VRK1: variants seen among roughly 807,000 people sequenced by gnomAD.
The protein encoded by VRK1 is VRK serine/threonine kinase 1.
A neutral mutation model predicts 57.1 loss-of-function variants in VRK1; 33 were observed. The observed-to-expected ratio is 0.58, with a 90% CI of 0.44 to 0.77. VRK1 has a LOEUF of 0.77. Among genes scored for constraint, VRK1 ranks in the 30% least tolerant of loss-of-function variants. The pLI is 0.00. For synonymous variants in VRK1, 137 were observed against 147.8 expected (o/e 0.93, Z 0.53); for missense variants, 413 against 477.3 (o/e 0.87, Z 1.25).
At chr14:96,851,099 G>A (rs1345226572) in intron 5 of VRK1, among the ~76,000 whole-genome samples, 1 of 151,922 alleles carries the variant, frequency 6.6e-6, no homozygotes. Context: ...ACAAGCCAAG[G>A]TGCTAGGAAA....
chr14:96,860,685 G>C lies in VRK1; in HGVS notation c.1018G>C (p.Asp340His), dbSNP rs1888351538. ...AGGAAGTAAGGATGATGGCAAATTG[G>C]ACCTCAGTGTTGTGGAGAATGGAGG... ...AIGSKDDGKL[D>H]LSVVENGGLK... Residue 340 changes from aspartate (D) to histidine (H), a missense_variant, in exon 11 of 13, where the codon GAC (aspartate) becomes CAC (histidine). Asp to His is a moderately conservative substitution (Grantham distance 81, BLOSUM62 -1). This residue lies in a region of VRK1 where 146 missense variants were observed against 138.2 expected (regional missense o/e 1.06). Transcript: ENST00000216639. 2 of 1,613,358 alleles carry C rather than the reference G, an allele frequency of 1.2e-6. No homozygotes were observed. The highest frequency in any genetic ancestry group is 1.7e-6 in the Non-Finnish European group (2 of 1,179,548).
intron 5 of VRK1, 67 bp downstream of exon 5, chr14:96,847,411 C>A: frequency 2.3e-6 from 3 of 1,330,280 alleles, no homozygotes; most frequent in South Asian, 1.2e-5. Flanking sequence ...TTGGTTTAGT[C>A]AGTAATTATT....
intron 5 of VRK1, among the ~76,000 whole-genome samples, chr14:96,848,744 C>G (rs1387512638): frequency 6.6e-6 from 1 of 152,104 alleles, no homozygotes; most frequent in African/African-American, 2.4e-5. Flanking sequence ...TGAATTTGGG[C>G]AATTTTTTGC....
At chr14:96,849,353 G>T (rs1031821524) in intron 5 of VRK1, among the ~76,000 whole-genome samples, 1 of 152,036 alleles carries the variant, frequency 6.6e-6, no homozygotes, top group African/African-American at 2.4e-5. Flanking sequence ...ACATTTCATA[G>T]AGATGATTGG....
At chr14:96,816,780 CAA>C (rs1389508436) in intron 1 of VRK1, among the ~76,000 whole-genome samples, 1 of 152,006 alleles carries the variant, frequency 6.6e-6, no homozygotes, top group Non-Finnish European at 1.5e-5. Flanking sequence ...AGAAGAAGGA[CAA>C]AAAAGAGAAC....
At chr14:96,871,771 C>T (rs1888831607) in intron 11 of VRK1, among the ~76,000 whole-genome samples, 1 of 152,164 alleles carries the variant, frequency 6.6e-6, no homozygotes, top group Non-Finnish European at 1.5e-5. Context: ...ATCACTGAAA[C>T]TCATTGAAAA....
chr14:96,867,153 G>A (rs1888617607), intron 11 of VRK1, among the ~76,000 whole-genome samples: 1 of 151,748 alleles, frequency 6.6e-6, no homozygotes, highest in South Asian at 2.1e-4. Context: ...TGTGTTTTTT[G>A]TTTGTTTGTT....
chr14:96,852,653 A>C (rs1050508091), intron 5 of VRK1, among the ~76,000 whole-genome samples, 178 bp from the exon 6 acceptor site: 1 of 152,120 alleles, frequency 6.6e-6, no homozygotes, highest in Non-Finnish European at 1.5e-5. Context: ...ACCTGAAAGC[A>C]CTCTGAACTC....
intron 1 of VRK1, among the ~76,000 whole-genome samples, chr14:96,807,965 C>G (rs1325433732): frequency 1.4e-5 from 2 of 146,956 alleles, no homozygotes; most frequent in Non-Finnish European, 3.0e-5. Flanking sequence ...GTCTCTCCCT[C>G]CCTCTCTCTC....
rs899475239 is a variant in VRK1 at position 96,838,697 on chromosome 14, A to G, written c.216+880A>G. ...CTCCCGCCCACGACACATGGGGATT[A>G]TGGGAGCTACTATCCAAGATGAGAT... On this transcript the variant is annotated intron_variant, in intron 3 of 12. Transcript: ENST00000216639. Among the ~76,000 whole-genome samples the G allele has an allele frequency of 2.0e-5, 3 of 152,196 alleles. No individual in the cohort carries two copies. The South Asian group carries it at 6.2e-4, about 31-fold the overall frequency.
chr14:96,807,960 TCC>T (rs2044441238), intron 1 of VRK1, among the ~76,000 whole-genome samples: 4 of 144,920 alleles, frequency 2.8e-5, no homozygotes, highest in Non-Finnish European at 6.1e-5. Context: ...TCTCTGTCTC[TCC>T]CTCCCTCTCT....
At chr14:96,805,468 GC>G (rs1479678961) in intron 1 of VRK1, among the ~76,000 whole-genome samples, 1 of 152,070 alleles carries the variant, frequency 6.6e-6, no homozygotes, top group African/African-American at 2.4e-5. Flanking sequence ...TTTTGTTAGT[GC>G]CTACTTCAGT....
intron 1 of VRK1, among the ~76,000 whole-genome samples, chr14:96,798,098 G>T (rs1885512972): frequency 6.6e-6 from 1 of 152,156 alleles, no homozygotes; most frequent in South Asian, 2.1e-4. Flanking sequence ...CTGTCACATC[G>T]CGGGGAGGCC....
intron 3 of VRK1, among the ~76,000 whole-genome samples, chr14:96,838,895 CATG>C (rs1269737139): frequency 6.8e-6 from 1 of 146,850 alleles, no homozygotes; most frequent in East Asian, 1.9e-4. Flanking sequence ...AAAATTGAGG[CATG>C]ATTTTTACGG....
Position 96,855,325 on chromosome 14 carries a change from A to G in VRK1, c.678A>G (p.Glu226=). 1 of 1,614,122 alleles carries G rather than the reference A, an allele frequency of 6.2e-7. No individual in the cohort carries two copies. Residue 226 remains glutamate (E), a synonymous_variant, in exon 8 of 13, where the codon GAA becomes GAG. Transcript: ENST00000216639. Reference sequence around the variant, plus strand: ...AAAGATGTCACGATGGCACTATTGAATTCACGAGCATCGATGCACACAATG... The same window carrying G: ...AAAGATGTCACGATGGCACTATTGAGTTCACGAGCATCGATGCACACAATG... ...DPKRCHDGTI[E]FTSIDAHNGV...
chr14:96,860,476 T>C, intron 10 of VRK1, 81 bp from the exon 11 acceptor site: 2 of 1,370,998 alleles, frequency 1.5e-6, no homozygotes, highest in Non-Finnish European at 2.0e-6. Context: ...ATTCTAACTT[T>C]ACTATAACCA....
chr14:96,810,542 A>G (rs2139694132), intron 1 of VRK1, among the ~76,000 whole-genome samples: 1 of 152,316 alleles, frequency 6.6e-6, no homozygotes, highest in Non-Finnish European at 1.5e-5. Flanking sequence ...TATCTATACA[A>G]GTAGTAACAG....
intron 3 of VRK1, among the ~76,000 whole-genome samples, chr14:96,841,618 G>A (rs1887465074): frequency 6.6e-6 from 1 of 152,114 alleles, no homozygotes; most frequent in African/African-American, 2.4e-5. Context: ...AACACTTCGA[G>A]AGGCTGAGGT....
At chr14:96,833,401 T>C (rs1338911536) in intron 1 of VRK1, 66 bp from the exon 2 acceptor site, 1 of 1,595,356 alleles carries the variant, frequency 6.3e-7, no homozygotes, top group East Asian at 2.3e-5. Flanking sequence ...AAGTTTTCCT[T>C]AGGGAAAAAT....
Sources: allele counts gnomAD v4.1 joint callset (sites outside exome capture counted in the v4.1 genomes callset), GRCh38; gene constraint gnomAD v4.1.1; regional missense constraint gnomAD v4.1.1; transcripts MANE v1.5; gene names NCBI Gene and HGNC (gene_info 2026-07-23, HGNC 2026-07-21).